Variants in EDEM3 observed in about 807,000 individuals in gnomAD.
The protein encoded by EDEM3 is ER degradation enhancing alpha-mannosidase like protein 3, also known as ER degradation-enhancing alpha-mannosidase-like protein 3.
EDEM3 carries 60 observed loss-of-function variants against 110.2 expected under a neutral mutation model. That is an observed-to-expected ratio of 0.54 (90% CI 0.44 to 0.67). EDEM3 has a LOEUF of 0.67. Ranked by LOEUF, EDEM3 falls within the 30% of genes least tolerant of loss-of-function variation. EDEM3 has a pLI of 0.00. For synonymous variants in EDEM3, 352 were observed against 382.9 expected, an observed-to-expected ratio of 0.92 and a Z score of 0.94; for missense variants, 996 against 1,121.0, an observed-to-expected ratio of 0.89 and a Z score of 1.59.
At chr1:184,727,914 A>G (rs1651278145) in intron 6 of EDEM3, among the ~76,000 whole-genome samples, 1 of 152,206 alleles carries the variant, frequency 6.6e-6, no homozygotes, top group Admixed American at 6.5e-5. Flanking sequence ...AAAATTGAAA[A>G]TTGATACTAA....
chr1:184,702,450 T>C (rs1649677969), intron 19 of EDEM3, among the ~76,000 whole-genome samples: 1 of 152,150 alleles, frequency 6.6e-6, no homozygotes, highest in Non-Finnish European at 1.5e-5. Flanking sequence ...TCTCATTCCT[T>C]ATAAAAGACA....
Position 184,723,750 on chromosome 1 carries a change from C to G in EDEM3, c.853+1G>C. ...TGATTTAAAAAGCCTAACTTACATA[C>G]CTTTTCGTACCCAATCTCCAGTATG... On this transcript the variant is annotated splice_donor_variant, in intron 8 of 19. Coordinates refer to ENST00000318130, the MANE Select transcript of EDEM3 (RefSeq NM_025191.4). LOFTEE classifies it high-confidence loss of function. 6.3e-7 allele frequency: 1 copy of G among 1,591,928 alleles called. No homozygotes were observed. The highest frequency in any genetic ancestry group is 8.5e-7 in the Non-Finnish European group (1 of 1,170,820).
At chr1:184,724,068 T>C (rs1342656267) in intron 7 of EDEM3, among the ~76,000 whole-genome samples, 1 of 152,062 alleles carries the variant, frequency 6.6e-6, no homozygotes, top group Non-Finnish European at 1.5e-5. Flanking sequence ...GGAAAGACTC[T>C]GAATACACTA....
chr1:184,749,376 AT>A (rs2102138140), intron 2 of EDEM3, among the ~76,000 whole-genome samples, 170 bp downstream of exon 2: 1 of 152,272 alleles, frequency 6.6e-6, no homozygotes, highest in Admixed American at 6.5e-5. Flanking sequence ...TATCTGTTCA[AT>A]AAACTGGTTC....
chr1:184,753,827 G>T (rs1227469328), intron 1 of EDEM3, among the ~76,000 whole-genome samples: 1 of 152,028 alleles, frequency 6.6e-6, no homozygotes, highest in Non-Finnish European at 1.5e-5. Context: ...TTATTCATGT[G>T]TAGGACCTCG....
At chr1:184,695,922 G>A (rs1411022576) in intron 19 of EDEM3, among the ~76,000 whole-genome samples, 3 of 151,952 alleles carry the variant, frequency 2.0e-5, no homozygotes, top group Non-Finnish European at 4.4e-5. Context: ...TCAGCATGAT[G>A]AATGCTTGGA....
rs1424542320 is a variant in EDEM3, at chr1:184,694,547, T to G, written c.2390-75A>C. The G allele has an allele frequency of 2.2e-6, 3 of 1,371,396 alleles. No homozygotes were observed. In the African/African-American group the frequency reaches 4.3e-5, roughly 20 times the overall value. The allele number at this position is 1,371,396 out of a possible 1,614,324, so 85.0% of individuals were successfully genotyped here. ...TATTACACTTTCCAAAGCATATTGG[T>G]TTTTGCAACAAGATGAAATAAAACG... On this transcript the variant is annotated intron_variant, in intron 19 of 19. Coordinates refer to ENST00000318130, the MANE Select transcript of EDEM3 (RefSeq NM_025191.4).
At chr1:184,750,759 C>T (rs541288347) in intron 1 of EDEM3, among the ~76,000 whole-genome samples, 89 of 152,054 alleles carry the variant, frequency 5.9e-4, no homozygotes, top group African/African-American at 2.0e-3. Flanking sequence ...GTGATCCACC[C>T]GCCTCAGCCT....
At chr1:184,702,644 T>C (rs1242425414) in intron 19 of EDEM3, among the ~76,000 whole-genome samples, 167 bp downstream of exon 19, 1 of 152,202 alleles carries the variant, frequency 6.6e-6, no homozygotes, top group Non-Finnish European at 1.5e-5. Flanking sequence ...AAATGTTTTA[T>C]TATTCTTATT....
intron 19 of EDEM3, 143 bp from the exon 20 acceptor site, chr1:184,694,615 T>C: frequency 1.3e-6 from 1 of 769,388 alleles, no homozygotes; most frequent in Non-Finnish European, 2.0e-6. Flanking sequence ...GCATCAGCAC[T>C]GAAATGAAGA....
chr1:184,704,778 C>T (rs978918626), intron 18 of EDEM3, among the ~76,000 whole-genome samples: 3 of 151,552 alleles, frequency 2.0e-5, no homozygotes, highest in Admixed American at 6.6e-5. Context: ...ATTTGACGGG[C>T]CAGGCTTGGT....
rs747860026 is a variant in EDEM3 at position 184,717,639 on chromosome 1, T to C, written c.1162-16A>G. 16 of 1,576,366 alleles carry C rather than the reference T, an allele frequency of 1.0e-5. No homozygotes were observed. The highest frequency in any genetic ancestry group is 1.9e-5 in the Admixed American group (1 of 52,742). On this transcript the variant is annotated splice_polypyrimidine_tract_variant and intron_variant, in intron 11 of 19. Transcript: ENST00000318130. ...TGGTAAATGCCTGAACAAAACAACA[T>C]ACAAAAGGCATAAAAAATGTGATTA...
intron 1 of EDEM3, among the ~76,000 whole-genome samples, chr1:184,753,773 G>C (rs954629058): frequency 6.6e-6 from 1 of 152,046 alleles, no homozygotes; most frequent in Non-Finnish European, 1.5e-5. Flanking sequence ...TGGCTTAACC[G>C]TTCATGCCTT....
At chr1:184,717,700 A>C (rs1330183435) in intron 11 of EDEM3, 77 bp from the exon 12 acceptor site, 6 of 1,048,860 alleles carry the variant, frequency 5.7e-6, no homozygotes, top group Non-Finnish European at 7.9e-6. Flanking sequence ...TAGAATATAT[A>C]TAAATAGGTA....
At chr1:184,732,173 TC>T (rs937685645) in intron 6 of EDEM3, among the ~76,000 whole-genome samples, 60 of 148,278 alleles carry the variant, frequency 4.0e-4, no homozygotes, top group African/African-American at 1.4e-3. Context: ...GAGACTCCAT[TC>T]CCCCCCACCA....
chr1:184,720,509 C>CTTTTTT lies in EDEM3; in HGVS notation c.951+774_951+779dup, dbSNP rs34268021. ...AATTTAAACCAGTACATCTCCCATACTTTTTTTTTTTTTTTTTTGAGACGG... is the reference window on the plus strand; with the variant it reads ...AATTTAAACCAGTACATCTCCCATACTTTTTTTTTTTTTTTTTTTTTTTTGAGACGG... On this transcript the variant is annotated intron_variant, in intron 9 of 19. Coordinates refer to ENST00000318130, the MANE Select transcript of EDEM3 (RefSeq NM_025191.4). 5.7e-3 allele frequency: 727 copies of CTTTTTT among 127,396 alleles called. 50 individuals are homozygous for CTTTTTT. The highest frequency in any genetic ancestry group is 0.022 in the African/African-American group (703 of 31,680). 7.9% of individuals were successfully genotyped at this position (127,396 alleles called of 1,614,324 possible). A position where few individuals can be genotyped will look rare whatever the true frequency, so the allele number is the denominator to read the frequency against.
intron 18 of EDEM3, among the ~76,000 whole-genome samples, chr1:184,706,139 TA>T (rs10717733): frequency 0.12 from 17,812 of 151,542 alleles, 2,324 homozygotes; most frequent in African/African-American, 0.32. Context: ...TACTATCAAA[TA>T]AAAAAAAATT....
chr1:184,694,380 C>A lies in EDEM3; in HGVS notation c.2482G>T (p.Asp828Tyr). 6.2e-7 allele frequency: 1 copy of A among 1,612,462 alleles called. No individual in the cohort carries two copies. Among genetic ancestry groups the A allele is most frequent in the Middle Eastern group, 1.7e-4 (1 of 6,048 alleles). The change falls in exon 20 of 20, where the codon GAT becomes TAT. Residue 828 changes from aspartate (D) to tyrosine (Y), a missense_variant. Physicochemically the swap from Asp to Tyr is radical, Grantham distance 160. Around this residue, in one of 5 missense-constraint regions of EDEM3, gnomAD observed 345 missense variants for 402.0 expected, o/e 0.86. Coordinates refer to ENST00000318130, the MANE Select transcript of EDEM3 (RefSeq NM_025191.4). ...EQISSSSQEV[D>Y]LVDQESSEEN... is the part of the protein sequence containing the mutation. Reference sequence around the variant, plus strand: ...TCAGAAGACTCTTGATCAACCAAATCAACCTCCTGAGAACTTGATGAAATC... The same window carrying A: ...TCAGAAGACTCTTGATCAACCAAATAAACCTCCTGAGAACTTGATGAAATC...
chr1:184,714,858 G>C (rs1298568460), intron 13 of EDEM3, among the ~76,000 whole-genome samples: 1 of 152,206 alleles, frequency 6.6e-6, no homozygotes, highest in East Asian at 1.9e-4. Flanking sequence ...TTTGTCAGCA[G>C]ACCATACAGT....
Sources: allele counts gnomAD v4.1 joint callset (sites outside exome capture counted in the v4.1 genomes callset), GRCh38; gene constraint gnomAD v4.1.1; regional missense constraint gnomAD v4.1.1; transcripts MANE v1.5; gene names NCBI Gene and HGNC (gene_info 2026-07-23, HGNC 2026-07-21).